Variants in ZFHX2 observed in about 807,000 individuals in gnomAD.
ZFHX2 encodes the protein zinc finger homeobox 2.
ZFHX2 carries 75 observed loss-of-function variants against 164.8 expected under a neutral mutation model. The ratio of observed to expected loss-of-function variants is 0.46; its 90% confidence interval spans 0.38 to 0.55. ZFHX2 has a LOEUF of 0.55. Among genes scored for constraint, ZFHX2 ranks in the 20% least tolerant of loss-of-function variants. The pLI is 0.00. For synonymous variants in ZFHX2, 1,217 were observed against 1,351.4 expected (o/e 0.90, Z 2.18); for missense variants, 2,933 against 3,308.0 (o/e 0.89, Z 2.78).
intron 6 of ZFHX2, chr14:23,529,481 C>G (rs1305062468): frequency 1.8e-6 from 1 of 541,348 alleles, no homozygotes; most frequent in Non-Finnish European, 3.3e-6. Context: ...CCCTCAAGTT[C>G]CTGCTGTCTC....
Position 23,533,514 on chromosome 14 carries a change from C to T in ZFHX2, c.1812G>A (p.Leu604=). 2 of 1,536,092 alleles carry T rather than the reference C, an allele frequency of 1.3e-6. No individual in the cohort carries two copies. Among genetic ancestry groups the T allele is most frequent in the Non-Finnish European group, 1.7e-6 (2 of 1,146,888 alleles). Residue 604 remains leucine (L), a synonymous_variant, in exon 2 of 10, where the codon CTG becomes CTA. Transcript: ENST00000419474. This position sits in a 1 kb window ranked among gnomAD's most constrained non-coding sequence, Gnocchi z 4.8. ...TCAATCCAGGTGGCAGGCCCAGCGGCAGCCCCTGGTGCAGCATTAGGACAT... is the reference window on the plus strand; with the variant it reads ...TCAATCCAGGTGGCAGGCCCAGCGGTAGCCCCTGGTGCAGCATTAGGACAT... ...MQNVLMLHQG[L]PLGLPPGLMG... is the part of the protein sequence containing the mutation.
intron 1 of ZFHX2, chr14:23,538,208 G>A (rs1399956169): frequency 6.6e-6 from 1 of 152,166 alleles, no homozygotes; most frequent in Non-Finnish European, 1.5e-5. Flanking sequence ...AGGGTAGGTT[G>A]GCAGCTATTT....
intron 1 of ZFHX2, among the ~76,000 whole-genome samples, chr14:23,544,678 G>A (rs1025614156): frequency 6.6e-6 from 1 of 152,226 alleles, no homozygotes; most frequent in African/African-American, 2.4e-5. Context: ...TAATTACTGG[G>A]ATGGCCCAGC....
chr14:23,529,069 C>T (rs796293171), intron 6 of ZFHX2, among the ~76,000 whole-genome samples: 8 of 152,368 alleles, frequency 5.3e-5, no homozygotes, highest in South Asian at 2.1e-4. Flanking sequence ...CTGCGTATTG[C>T]AATAACAATA....
At position 23,522,779 on chromosome 14, in the gene ZFHX2, G is replaced by T. The variant is rs866694147; in HGVS notation, c.6902C>A (p.Pro2301His). 13 of 1,536,444 alleles carry T rather than the reference G, an allele frequency of 8.5e-6. No individual in the cohort carries two copies. In the African/African-American group the frequency reaches 1.4e-4, roughly 16 times the overall value. The change falls in exon 10 of 10, where the codon CCT becomes CAT. Residue 2301 changes from proline to histidine, a missense_variant. Pro to His is a moderately conservative substitution (Grantham distance 77, BLOSUM62 -2). Transcript: ENST00000419474. ...GACCTTGTCCCCCAAGGGCTCAGTAGGAGGGCCTGGGACAGGGTCAGTGGT... is the reference window on the plus strand; with the variant it reads ...GACCTTGTCCCCCAAGGGCTCAGTATGAGGGCCTGGGACAGGGTCAGTGGT... ...AGTTDPVPGP[P>H]TEPLGDKVSS...
Position 23,534,324 on chromosome 14 carries a change from G to T in ZFHX2, c.1002C>A (p.Ile334=). The T allele has an allele frequency of 6.5e-7, 1 of 1,536,496 alleles. No homozygotes were observed. The highest frequency in any genetic ancestry group is 1.2e-5 in the South Asian group (1 of 84,058). Residue 334 remains isoleucine, a synonymous_variant, in exon 2 of 10, where the codon ATC becomes ATA. Transcript: ENST00000419474. This position sits in a 1 kb window ranked among gnomAD's most constrained non-coding sequence, Gnocchi z 4.5. ...GGGCCATAACTTCTTCATCCAGGAG[G>T]ATAAGGGCCTGGACTTCTGCCTCAG... The part of the protein sequence containing the change: ...GPPEAEVQAL[I]LLDEEVMALS...
chr14:23,547,379 A>G (rs571204524), intron 1 of ZFHX2, among the ~76,000 whole-genome samples: 3 of 152,236 alleles, frequency 2.0e-5, no homozygotes, highest in Non-Finnish European at 4.4e-5. Flanking sequence ...GACCAATTCA[A>G]TTGTAGTTTC....
At chr14:23,553,690 C>G (rs368746508), upstream of ZFHX2, among the ~76,000 whole-genome samples, 2 of 150,970 alleles carry the variant, frequency 1.3e-5, no homozygotes, top group African/African-American at 2.4e-5. Context: ...ATCAGGAGAT[C>G]GAGACCATCC....
intron 7 of ZFHX2, 146 bp downstream of exon 7, chr14:23,527,458 C>T (rs1460252675): frequency 2.1e-5 from 22 of 1,069,546 alleles, no homozygotes; most frequent in Admixed American, 1.5e-4. Flanking sequence ...CTTGTCGGAC[C>T]GTCCTCACCC....
chr14:23,527,901 CTTTTTTTTTTT>C (rs745574496), intron 6 of ZFHX2, 97 bp from the exon 7 acceptor site: 13 of 448,956 alleles, frequency 2.9e-5, no homozygotes, highest in Admixed American at 7.9e-5. Flanking sequence ...GCCCCCACTC[CTTTTTTTTTTT>C]TTTTTTTTTT....
At chr14:23,555,019 G>A (rs1056623152), upstream of ZFHX2, among the ~76,000 whole-genome samples, 1 of 151,892 alleles carries the variant, frequency 6.6e-6, no homozygotes, top group Admixed American at 6.6e-5. Flanking sequence ...ATGGAGTCTC[G>A]TTCTGTCGCC....
Position 23,520,871 on chromosome 14 carries a change from T to C in ZFHX2, c.*1091A>G, listed in dbSNP as rs886290193. ...AAACACTTGTCTGATGGGAGTTTTC[T>C]TCCTTTTTTTTTTTTTCTGTATTTT... On this transcript the variant is annotated 3_prime_UTR_variant, in exon 10 of 10. Transcript: ENST00000419474. This position sits in a 1 kb window ranked among gnomAD's most constrained non-coding sequence, Gnocchi z 8.7. 6.9e-6 allele frequency: 1 copy of C among 144,096 alleles called. No individual in the cohort carries two copies. The highest frequency in any genetic ancestry group is 1.5e-5 in the Non-Finnish European group (1 of 67,938). The allele number at this position is 144,096 out of a possible 1,614,324, so 8.9% of individuals were successfully genotyped here. A position where few individuals can be genotyped will look rare whatever the true frequency, so the allele number is the denominator to read the frequency against.
rs1810660 is a variant in ZFHX2, at chr14:23,524,601, G to C, written c.5341C>G (p.Gln1781Glu). 1.0e-4 allele frequency: 157 copies of C among 1,536,268 alleles called. No individual in the cohort carries two copies. The African/African-American group carries it at 1.5e-3, about 15-fold the overall frequency. Residue 1781 changes from glutamine (Q) to glutamate (E), a missense_variant, in exon 9 of 10, where the codon CAG becomes GAG. By Grantham distance (29) the Gln-to-Glu change is conservative. Coordinates refer to ENST00000419474, the MANE Select transcript of ZFHX2 (RefSeq NM_033400.3). The surrounding 1 kb of genome is among the most constrained non-coding windows in gnomAD (Gnocchi z 5.6). ...CGGCGGTGACTGGTCAGGAGGTCCTGGCTGGAGAAAGAAATGGCACACTGG... is the reference window on the plus strand; with the variant it reads ...CGGCGGTGACTGGTCAGGAGGTCCTCGCTGGAGAAAGAAATGGCACACTGG... The part of the protein sequence containing the change: ...CDQCAISFSS[Q>E]DLLTSHRRLH...
Position 23,523,863 on chromosome 14 carries a change from CAG to C in ZFHX2, c.6077_6078del (p.Ser2026CysfsTer6), listed in dbSNP as rs923744625. On this transcript the variant is annotated frameshift_variant, in exon 9 of 10. Coordinates refer to ENST00000419474, the MANE Select transcript of ZFHX2 (RefSeq NM_033400.3). LOFTEE classifies it high-confidence loss of function. The surrounding 1 kb of genome is among the most constrained non-coding windows in gnomAD (Gnocchi z 4.1). ...GCAGATGAATCACTCAGATCTCCTG[CAG>C]AGAGACTGCAAGCCTCACTCTCTGG... ...ASPESEACSL[S>X]AGDLSDSSAS... The C allele has an allele frequency of 6.5e-7, 1 of 1,536,196 alleles. No homozygotes were observed. Among genetic ancestry groups the C allele is most frequent in the South Asian group, 1.2e-5 (1 of 84,058 alleles).
Position 23,526,887 on chromosome 14 carries a change from AGTG to A in ZFHX2, c.3219_3221del (p.Thr1074del). The A allele has an allele frequency of 1.3e-6, 2 of 1,533,830 alleles. No individual in the cohort carries two copies. Among genetic ancestry groups the A allele is most frequent in the Non-Finnish European group, 1.7e-6 (2 of 1,146,054 alleles). On this transcript the variant is annotated inframe_deletion, in exon 8 of 10. Coordinates refer to ENST00000419474, the MANE Select transcript of ZFHX2 (RefSeq NM_033400.3). ...TGCTCGGTGTAGGCTCTGGCCCATG[AGTG>A]GGGGGTTCTTGGCCATTGTCCAGAG...
chr14:23,527,107 C>A, intron 7 of ZFHX2, 134 bp from the exon 8 acceptor site: 1 of 1,323,278 alleles, frequency 7.6e-7, no homozygotes, highest in South Asian at 1.9e-5. Context: ...CTGAACAAAC[C>A]TCCCACCTAA....
rs912464308 is a variant in ZFHX2 at position 23,521,909 on chromosome 14, G to A, written c.*53C>T. On this transcript the variant is annotated 3_prime_UTR_variant, in exon 10 of 10. Coordinates refer to ENST00000419474, the MANE Select transcript of ZFHX2 (RefSeq NM_033400.3). ...TGAGCTCCCACCGAACACCCCTTGGGGTAAAAGAGGGAGCCCTGAGGCCCT... is the reference window on the plus strand; with the variant it reads ...TGAGCTCCCACCGAACACCCCTTGGAGTAAAAGAGGGAGCCCTGAGGCCCT... The A allele has an allele frequency of 1.3e-6, 2 of 1,531,460 alleles. No individual in the cohort carries two copies. Among genetic ancestry groups the A allele is most frequent in the Non-Finnish European group, 8.7e-7 (1 of 1,145,246 alleles). 94.9% of individuals were successfully genotyped at this position (1,531,460 alleles called of 1,614,324 possible).
intron 1 of ZFHX2, among the ~76,000 whole-genome samples, chr14:23,539,777 C>T (rs1299290014): frequency 6.6e-6 from 1 of 152,190 alleles, no homozygotes; most frequent in Non-Finnish European, 1.5e-5. Context: ...AAAGGAAACA[C>T]TACTGCTCCC....
intron 6 of ZFHX2, 138 bp from the exon 7 acceptor site, chr14:23,527,942 T>C: frequency 1.3e-6 from 1 of 796,010 alleles, no homozygotes; most frequent in African/African-American, 1.8e-5. Flanking sequence ...AGTCTGGCTC[T>C]GTCACCCAGG....
Sources: gnomAD v4.1 joint callset for allele counts (sites outside exome capture counted in the v4.1 genomes callset) on GRCh38, gnomAD v4.1.1 for gene constraint, Gnocchi (gnomAD v3.1) non-coding constraint, MANE v1.5 for transcripts, NCBI Gene and HGNC (gene_info 2026-07-23, HGNC 2026-07-21) for gene names.